Variants in ENOX1 observed in about 807,000 individuals in gnomAD.
ENOX1 encodes the protein candidate growth-related and time keeping constitutive hydroquinone (NADH) oxidase.
ENOX1 carries 42 observed loss-of-function variants against 82.5 expected under a neutral mutation model. The ratio of observed to expected loss-of-function variants is 0.51; its 90% CI spans 0.40 to 0.66. ENOX1 has a LOEUF of 0.66. Ranked by LOEUF, ENOX1 falls within the 30% of genes least tolerant of loss-of-function variation. The probability of loss-of-function intolerance (pLI) is 0.00; values close to 1 mark genes in which losing one functional copy is unlikely to be tolerated. For missense variants in ENOX1, 608 were observed against 811.6 expected (o/e 0.75, Z 3.05); for synonymous variants, 271 against 282.2 (o/e 0.96, Z 0.40).
At chr13:43,279,177 C>T (rs957689277) in intron 12 of ENOX1, among the ~76,000 whole-genome samples, 3 of 152,136 alleles carry the variant, frequency 2.0e-5, no homozygotes, top group South Asian at 2.1e-4. Flanking sequence ...ACAGATGCTT[C>T]GTGGCATTCC....
chr13:43,743,448 A>G (rs1038906606), intron 1 of ENOX1, among the ~76,000 whole-genome samples: 3 of 152,208 alleles, frequency 2.0e-5, no homozygotes, highest in African/African-American at 7.2e-5. Context: ...TCTTTCAAGC[A>G]TCTGTTGTGG....
chr13:43,373,085 CATTAT>C (rs2051350379), intron 5 of ENOX1, among the ~76,000 whole-genome samples: 1 of 151,994 alleles, frequency 6.6e-6, no homozygotes, highest in Non-Finnish European at 1.5e-5. Flanking sequence ...CTTTGATAAA[CATTAT>C]ATCATTTGTG....
intron 1 of ENOX1, among the ~76,000 whole-genome samples, chr13:43,740,619 C>A (rs1297957896): frequency 2.6e-5 from 4 of 151,906 alleles, no homozygotes; most frequent in South Asian, 2.1e-4. Flanking sequence ...TTTTCCTGAT[C>A]CTCTCCCTCC....
At chr13:43,455,433 T>C (rs2057179308) in intron 3 of ENOX1, among the ~76,000 whole-genome samples, 2 of 152,176 alleles carry the variant, frequency 1.3e-5, no homozygotes, top group Admixed American at 6.5e-5. Flanking sequence ...TTCTTACCCA[T>C]CATTTTGGGC....
intron 2 of ENOX1, among the ~76,000 whole-genome samples, chr13:43,494,893 A>G (rs2076741902): frequency 6.6e-6 from 1 of 152,142 alleles, no homozygotes; most frequent in Non-Finnish European, 1.5e-5. Context: ...AATTCCATCA[A>G]TTAGATGAAA....
chr13:43,652,535 T>C (rs1198026285), intron 2 of ENOX1, among the ~76,000 whole-genome samples: 2 of 152,094 alleles, frequency 1.3e-5, no homozygotes, highest in Admixed American at 6.5e-5. Context: ...CTTAGAAACA[T>C]AGAGGATAAA....
intron 5 of ENOX1, among the ~76,000 whole-genome samples, chr13:43,395,619 A>C (rs2053091694): frequency 6.6e-6 from 1 of 152,234 alleles, no homozygotes. Context: ...TGGTGTGATT[A>C]TCTTCCTATA....
At chr13:43,360,387 A>G (rs897600985) in intron 6 of ENOX1, among the ~76,000 whole-genome samples, 12 of 152,226 alleles carry the variant, frequency 7.9e-5, no homozygotes, top group Non-Finnish European at 1.6e-4. Flanking sequence ...AGTACAAAAC[A>G]TGACGAAATG....
intron 1 of ENOX1, among the ~76,000 whole-genome samples, chr13:43,737,486 A>G (rs2153825003): frequency 6.6e-6 from 1 of 152,300 alleles, no homozygotes. Flanking sequence ...CGGAGGCCAC[A>G]GAATGCTGCT....
chr13:43,568,082 T>C (rs1252214164), intron 2 of ENOX1, among the ~76,000 whole-genome samples: 1 of 152,156 alleles, frequency 6.6e-6, no homozygotes, highest in African/African-American at 2.4e-5. Flanking sequence ...ATGCAAAAAA[T>C]CCCTAGGTGA....
intron 12 of ENOX1, among the ~76,000 whole-genome samples, chr13:43,289,516 C>T (rs2045882919): frequency 6.6e-6 from 1 of 152,158 alleles, no homozygotes; most frequent in African/African-American, 2.4e-5. Context: ...ACTGACTAGC[C>T]TTAGACAGAA....
At chr13:43,342,049 C>T (rs914475314) in intron 9 of ENOX1, among the ~76,000 whole-genome samples, 2 of 152,144 alleles carry the variant, frequency 1.3e-5, no homozygotes, top group South Asian at 4.1e-4. Flanking sequence ...AGACAACTAT[C>T]CAGGTAAAGC....
chr13:43,583,383 C>T (rs1440307587), intron 2 of ENOX1, among the ~76,000 whole-genome samples: 1 of 152,106 alleles, frequency 6.6e-6, no homozygotes, highest in Non-Finnish European at 1.5e-5. Flanking sequence ...TCTATCAACA[C>T]CAAATTACTC....
chr13:43,776,157 A>G (rs1951905551), intron 1 of ENOX1, among the ~76,000 whole-genome samples: 2 of 152,232 alleles, frequency 1.3e-5, no homozygotes, highest in East Asian at 1.9e-4. Context: ...GGAGTGAATC[A>G]TAAGACCAAT....
At chr13:43,413,437 G>C (rs1297684132) in intron 3 of ENOX1, among the ~76,000 whole-genome samples, 2 of 152,008 alleles carry the variant, frequency 1.3e-5, no homozygotes, top group Admixed American at 1.3e-4. Context: ...TGTATTCAGA[G>C]AGGGAAAAAA....
intron 2 of ENOX1, among the ~76,000 whole-genome samples, chr13:43,583,707 T>C (rs2080850220): frequency 6.6e-6 from 1 of 152,242 alleles, no homozygotes; most frequent in Admixed American, 6.5e-5. Flanking sequence ...ACTCATTATA[T>C]ATTTTTTAAA....
At chr13:43,411,798 C>A in intron 5 of ENOX1, 118 bp downstream of exon 5, 1 of 1,301,576 alleles carries the variant, frequency 7.7e-7, no homozygotes, top group Non-Finnish European at 1.1e-6. Context: ...CCAAACATGC[C>A]CCAGTCATAA....
chr13:43,322,277 G>A (rs1443726623), intron 11 of ENOX1, 107 bp downstream of exon 11: 1 of 794,212 alleles, frequency 1.3e-6, no homozygotes, highest in Non-Finnish European at 2.1e-6. Flanking sequence ...TGAAAGTTTA[G>A]TATAATTCAA....
chr13:43,393,222 A>C (rs976178852), intron 5 of ENOX1, among the ~76,000 whole-genome samples: 2 of 152,228 alleles, frequency 1.3e-5, no homozygotes, highest in African/African-American at 4.8e-5. Flanking sequence ...AGTGATTCCA[A>C]GAAACTTAAG....
Sources: allele counts gnomAD v4.1 joint callset (sites outside exome capture counted in the v4.1 genomes callset), GRCh38; gene constraint gnomAD v4.1.1; transcripts MANE v1.5; gene names NCBI Gene and HGNC (gene_info 2026-07-23, HGNC 2026-07-21).